Variants in FBXO25 observed in about 807,000 individuals in gnomAD.
FBXO25 encodes F-box protein 25, also known as F-box only protein 25.
A neutral mutation model predicts 51.9 loss-of-function variants in FBXO25; 45 were observed. The ratio of observed to expected loss-of-function variants is 0.87; its 90% confidence interval spans 0.68 to 1.11. FBXO25 has a LOEUF of 1.11. Ranked by LOEUF, FBXO25 falls within the 50% of genes most tolerant of loss-of-function variation. The pLI is 0.00. For synonymous variants in FBXO25, 199 were observed against 151.0 expected (o/e 1.32, Z -2.33); for missense variants, 507 against 428.5 (o/e 1.18, Z -1.62).
At chr8:423,086 C>G (rs1797251447) in intron 2 of FBXO25, among the ~76,000 whole-genome samples, 2 of 152,160 alleles carry the variant, frequency 1.3e-5, no homozygotes, top group African/African-American at 2.4e-5. Context: ...ACTGAAAAGC[C>G]CCTTCCCTGC....
At chr8:456,724 C>G (rs1457193093) in intron 7 of FBXO25, among the ~76,000 whole-genome samples, 2 of 152,206 alleles carry the variant, frequency 1.3e-5, no homozygotes, top group Non-Finnish European at 2.9e-5. Flanking sequence ...TCGTGTCTGG[C>G]AGATGCATAG....
intron 2 of FBXO25, among the ~76,000 whole-genome samples, chr8:418,333 CTTTTTTTTTTT>C (rs1207244013): frequency 4.1e-5 from 3 of 72,332 alleles, no homozygotes; most frequent in African/African-American, 5.5e-5. Flanking sequence ...TTTGTTTGTT[CTTTTTTTTTTT>C]TTTTTTTTTT....
intron 2 of FBXO25, among the ~76,000 whole-genome samples, chr8:416,602 C>T (rs1024828609): frequency 1.3e-5 from 2 of 152,146 alleles, no homozygotes; most frequent in Admixed American, 6.5e-5. Context: ...CAGCTTTCCC[C>T]ACCCCTCCAG....
chr8:432,957 T>A (rs6998464), intron 4 of FBXO25, 22 bp downstream of exon 4: 50 of 1,535,080 alleles, frequency 3.3e-5, no homozygotes, highest in Non-Finnish European at 3.9e-5. Flanking sequence ...ATTATAAATA[T>A]GAGAGTATCT....
At chr8:415,560 T>C (rs1039094402) in intron 2 of FBXO25, among the ~76,000 whole-genome samples, 1 of 152,154 alleles carries the variant, frequency 6.6e-6, no homozygotes, top group African/African-American at 2.4e-5. Flanking sequence ...CAGTTAAGGG[T>C]TTCAGTAGAC....
intron 1 of FBXO25, among the ~76,000 whole-genome samples, chr8:412,384 CTGTT>C (rs1360438375): frequency 6.6e-6 from 1 of 152,206 alleles, no homozygotes; most frequent in Non-Finnish European, 1.5e-5. Context: ...CTCTGCTCTT[CTGTT>C]TATTTTGCCA....
intron 8 of FBXO25, among the ~76,000 whole-genome samples, chr8:461,479 G>C (rs1386445935): frequency 2.6e-5 from 4 of 152,148 alleles, no homozygotes; most frequent in Non-Finnish European, 5.9e-5. Context: ...ATCAGATCTT[G>C]TGAGACTTAT....
At chr8:407,290 C>G in intron 1 of FBXO25, 5 of 911,758 alleles carry the variant, frequency 5.5e-6, no homozygotes, top group Non-Finnish European at 6.4e-6. Context: ...GGGCCTCGGG[C>G]GCGTCAGGTG....
At chr8:430,131 G>A (rs1797735194) in intron 2 of FBXO25, among the ~76,000 whole-genome samples, 1 of 152,208 alleles carries the variant, frequency 6.6e-6, no homozygotes, top group Non-Finnish European at 1.5e-5. Flanking sequence ...TTCTGCGACA[G>A]TATTTCTGGA....
At chr8:462,002 T>TG (rs1316479763) in intron 8 of FBXO25, among the ~76,000 whole-genome samples, 1 of 152,064 alleles carries the variant, frequency 6.6e-6, no homozygotes, top group Non-Finnish European at 1.5e-5. Flanking sequence ...TCATTTCTCT[T>TG]GGTTATAAAC....
At chr8:461,882 G>C (rs886976207) in intron 8 of FBXO25, among the ~76,000 whole-genome samples, 3 of 152,058 alleles carry the variant, frequency 2.0e-5, no homozygotes, top group Admixed American at 6.5e-5. Flanking sequence ...TCCACTTTTT[G>C]TTTATCCATT....
At chr8:425,161 A>G (rs1009414228) in intron 2 of FBXO25, among the ~76,000 whole-genome samples, 3 of 150,288 alleles carry the variant, frequency 2.0e-5, no homozygotes, top group African/African-American at 7.3e-5. Context: ...TTCTATTATA[A>G]CCTACTTCAT....
intron 2 of FBXO25, among the ~76,000 whole-genome samples, chr8:425,133 G>GC (rs1391644498): frequency 7.1e-6 from 1 of 141,688 alleles, no homozygotes; most frequent in South Asian, 2.2e-4. Context: ...AGCGCCCCCC[G>GC]CCCCCCACAT....
chr8:474,853 G>A lies in FBXO25; in HGVS notation c.*6049G>A, dbSNP rs1326408858. The A allele has an allele frequency of 8.8e-6, 4 of 453,458 alleles. No individual in the cohort carries two copies. Among genetic ancestry groups the A allele is most frequent in the South Asian group, 1.6e-5 (1 of 63,860 alleles). 28.1% of individuals were successfully genotyped at this position (453,458 alleles called of 1,614,324 possible). ...AGTTGTTTCTTTCTTTTAGTTACCT[G>A]TGTGTGCCTCTGGTGTCATATCTAA... On this transcript the variant is annotated 3_prime_UTR_variant, in exon 10 of 10. Coordinates refer to ENST00000350302, the MANE Select transcript of FBXO25 (RefSeq NM_183420.2).
intron 2 of FBXO25, among the ~76,000 whole-genome samples, chr8:422,323 C>G (rs1447957810): frequency 6.6e-6 from 1 of 152,186 alleles, no homozygotes; most frequent in African/African-American, 2.4e-5. Context: ...TAAGCTGAAT[C>G]AGGAGAAAAC....
rs1800582627 is a variant in FBXO25 at position 474,422 on chromosome 8, T to C, written c.*5618T>C. The C allele has an allele frequency of 6.9e-6, 2 of 287,942 alleles. No homozygotes were observed. The highest frequency in any genetic ancestry group is 1.3e-5 in the Non-Finnish European group (2 of 150,256). The allele number at this position is 287,942 out of a possible 1,614,324, so 17.8% of individuals were successfully genotyped here. A position where few individuals can be genotyped will look rare whatever the true frequency, so the allele number is the denominator to read the frequency against. ...ACATGGGTGTGCAAATATCTGAGTC[T>C]CTGCTTTCAATCATATGGCAATCCT... On this transcript the variant is annotated 3_prime_UTR_variant, in exon 10 of 10. Transcript: ENST00000350302.
rs778543895 is a variant in FBXO25 at position 450,100 on chromosome 8, A to G, written c.475+17A>G. The G allele has an allele frequency of 1.3e-6, 2 of 1,550,000 alleles. No homozygotes were observed. Among genetic ancestry groups the G allele is most frequent in the Non-Finnish European group, 1.8e-6 (2 of 1,129,248 alleles). On this transcript the variant is annotated intron_variant, in intron 6 of 9. Coordinates refer to ENST00000350302, the MANE Select transcript of FBXO25 (RefSeq NM_183420.2). The stretch of plus-strand genomic sequence containing the variant: ...TTCAAAAGGGTAAGATGATCACTGT[A>G]TTTTTAATACTCTAAATCTTAATTA...
At chr8:418,908 T>C (rs1173149711) in intron 2 of FBXO25, among the ~76,000 whole-genome samples, 2 of 152,080 alleles carry the variant, frequency 1.3e-5, no homozygotes, top group African/African-American at 4.8e-5. Context: ...GATTTTAGAA[T>C]GAACTGTAAA....
At chr8:435,835 C>CA (rs1798072778) in intron 5 of FBXO25, 128 bp downstream of exon 5, 2 of 1,359,368 alleles carry the variant, frequency 1.5e-6, no homozygotes, top group Non-Finnish European at 2.0e-6. Context: ...GCGTATTAAT[C>CA]AAAAAACAGA....
Sources: allele counts gnomAD v4.1 joint callset (sites outside exome capture counted in the v4.1 genomes callset), GRCh38; gene constraint gnomAD v4.1.1; transcripts MANE v1.5; gene names NCBI Gene and HGNC (gene_info 2026-07-23, HGNC 2026-07-21).